LNX1: variants seen among roughly 807,000 people sequenced by gnomAD.
LNX1 encodes E3 ubiquitin-protein ligase LNX.
Under a neutral mutation model 68.4 loss-of-function variants are expected in LNX1, and 54 were observed. The observed-to-expected ratio is 0.79, with a 90% CI of 0.63 to 0.99. The LOEUF is 0.99. Ranked by LOEUF, LNX1 falls within the 50% of genes least tolerant of loss-of-function variation. LNX1 has a pLI of 0.00. For synonymous variants in LNX1, 336 were observed against 350.0 expected (o/e 0.96, Z 0.45); for missense variants, 906 against 926.4 (o/e 0.98, Z 0.29).
At chr4:53,602,914 C>T (rs1230628594) in intron 2 of LNX1, 1 of 152,174 alleles carries the variant, frequency 6.6e-6, no homozygotes, top group Non-Finnish European at 1.5e-5. Context: ...TGCCTTAGCA[C>T]TGACAGTAGA....
chr4:53,581,977 A>G (rs1426174374), intron 1 of LNX1, among the ~76,000 whole-genome samples: 2 of 152,142 alleles, frequency 1.3e-5, no homozygotes, highest in Non-Finnish European at 2.9e-5. Context: ...ATTTTTTTAA[A>G]TATTGCATTC....
At chr4:53,534,250 C>T (rs1316802699) in intron 2 of LNX1, among the ~76,000 whole-genome samples, 1 of 152,096 alleles carries the variant, frequency 6.6e-6, no homozygotes, top group Non-Finnish European at 1.5e-5. Flanking sequence ...TGGTTTGGCT[C>T]TTAAAGGGTC....
intron 2 of LNX1, among the ~76,000 whole-genome samples, chr4:53,562,163 T>A (rs542831275): frequency 6.6e-6 from 1 of 152,284 alleles, no homozygotes; most frequent in East Asian, 1.9e-4. Context: ...CTAAAATAAG[T>A]CTCGCTCAGG....
intron 1 of LNX1, 48 bp downstream of exon 1, chr4:53,591,340 G>C: frequency 1.0e-6 from 1 of 953,992 alleles, no homozygotes; most frequent in Non-Finnish European, 1.2e-6. Context: ...TCCCTCAGGG[G>C]CCAGTGGTCT....
At chr4:53,543,309 C>T (rs535836418) in intron 2 of LNX1, among the ~76,000 whole-genome samples, 3 of 152,306 alleles carry the variant, frequency 2.0e-5, no homozygotes, top group Non-Finnish European at 2.9e-5. Context: ...CACTTATTTC[C>T]ATCTGATGTA....
intron 2 of LNX1, among the ~76,000 whole-genome samples, chr4:53,607,770 A>T (rs546372798): frequency 6.6e-6 from 1 of 152,204 alleles, no homozygotes; most frequent in Admixed American, 6.5e-5. Flanking sequence ...GTACAAAAAC[A>T]GACACATAGA....
At chr4:53,536,041 C>T (rs1728348869) in intron 2 of LNX1, among the ~76,000 whole-genome samples, 1 of 152,166 alleles carries the variant, frequency 6.6e-6, no homozygotes, top group South Asian at 2.1e-4. Context: ...CCCCCAAGTC[C>T]TCCTACCTGT....
rs541289076 is a variant in LNX1, at chr4:53,565,372, C to T, written c.380+8251G>A. Among the ~76,000 whole-genome samples, 5 of 152,092 alleles carry T rather than the reference C, an allele frequency of 3.3e-5. No homozygotes were observed. The South Asian group carries it at 1.0e-3, about 32-fold the overall frequency. On this transcript the variant is annotated intron_variant, in intron 2 of 10. Coordinates refer to ENST00000263925, the MANE Select transcript of LNX1 (RefSeq NM_001126328.3). ...CCCGAGCAGCCTAACTGGGAGGCAC[C>T]CTCCAGCAGGGGCACACTGACACCT... is the stretch of plus-strand genomic sequence containing the variant.
intron 4 of LNX1, among the ~76,000 whole-genome samples, chr4:53,504,684 T>C (rs1225605573): frequency 1.3e-5 from 2 of 152,346 alleles, no homozygotes; most frequent in East Asian, 3.9e-4. Flanking sequence ...GTTTTTGATT[T>C]AAAGTGAGAG....
chr4:53,538,718 G>A (rs1324614164), intron 2 of LNX1, among the ~76,000 whole-genome samples: 1 of 152,200 alleles, frequency 6.6e-6, no homozygotes, highest in Non-Finnish European at 1.5e-5. Context: ...ACTCACAGGT[G>A]TTCAGGTCAC....
chr4:53,624,404 G>A (rs1283033429), intron 1 of LNX1, among the ~76,000 whole-genome samples: 4 of 152,114 alleles, frequency 2.6e-5, no homozygotes, highest in African/African-American at 9.6e-5. Flanking sequence ...CTTTCACTTG[G>A]TTCTTATCCT....
Position 53,628,389 on chromosome 4 carries a change from T to C in LNX1, c.-215+23779A>G, listed in dbSNP as rs540587551. On this transcript the variant is annotated intron_variant, in intron 1 of 2. Transcript: ENST00000507168. ...CAAATAGCCAAGAAACATGGAAAAA[T>C]GTTCAACATCACTAATCATCAGAGA... Among the ~76,000 whole-genome samples, 10 of 152,056 alleles carry C rather than the reference T, an allele frequency of 6.6e-5. No individual in the cohort carries two copies. The South Asian group carries it at 2.1e-3, about 32-fold the overall frequency.
intron 2 of LNX1, among the ~76,000 whole-genome samples, chr4:53,533,362 A>C (rs1728147760): frequency 6.6e-6 from 1 of 152,202 alleles, no homozygotes; most frequent in African/African-American, 2.4e-5. Context: ...ATTCTTAATC[A>C]GGGGCAATTT....
At chr4:53,607,411 G>A (rs2590802) in intron 2 of LNX1, among the ~76,000 whole-genome samples, 64,034 of 151,984 alleles carry the variant, frequency 0.42, 13,441 homozygotes, top group Admixed American at 0.45. Flanking sequence ...CCAGGGAGGG[G>A]AACAATCTCT....
At chr4:53,569,585 T>C (rs1194011764) in intron 2 of LNX1, among the ~76,000 whole-genome samples, 14 of 148,854 alleles carry the variant, frequency 9.4e-5, no homozygotes, top group Non-Finnish European at 2.1e-4. Context: ...GGCATTACCA[T>C]TCAGGACATA....
chr4:53,553,554 T>C (rs2109708502), intron 2 of LNX1, among the ~76,000 whole-genome samples: 1 of 152,294 alleles, frequency 6.6e-6, no homozygotes, highest in Non-Finnish European at 1.5e-5. Flanking sequence ...GCCAGAAAGA[T>C]GAGAAGGCTG....
intron 1 of LNX1, among the ~76,000 whole-genome samples, chr4:53,588,719 G>T (rs1316909540): frequency 6.6e-6 from 1 of 152,096 alleles, no homozygotes; most frequent in Non-Finnish European, 1.5e-5. Context: ...TGACATGCAG[G>T]GGGGTTGAGG....
At chr4:53,524,296 A>G (rs1367079264) in intron 2 of LNX1, 2 of 152,176 alleles carry the variant, frequency 1.3e-5, no homozygotes, top group East Asian at 3.8e-4. Context: ...TTCCTGTCCT[A>G]GAAATAACCA....
chr4:53,482,195 G>A (rs771691242), intron 6 of LNX1, among the ~76,000 whole-genome samples: 11 of 152,182 alleles, frequency 7.2e-5, no homozygotes, highest in Non-Finnish European at 1.5e-4. Flanking sequence ...TTCCCAGATA[G>A]AATTAGGTGC....
Sources: gnomAD v4.1 joint callset for allele counts (sites outside exome capture counted in the v4.1 genomes callset) on GRCh38, gnomAD v4.1.1 for gene constraint, MANE v1.5 for transcripts, NCBI Gene and HGNC (gene_info 2026-07-23, HGNC 2026-07-21) for gene names.